SNRPN: variants seen among roughly 807,000 people sequenced by gnomAD.
SNRPN encodes the protein small nuclear ribonucleoprotein-associated protein N.
In SNRPN, 7 loss-of-function variants were observed where a neutral mutation model predicts 25.2. The ratio of observed to expected loss-of-function variants is 0.28; its 90% CI spans 0.16 to 0.52. The LOEUF is 0.52. Among genes scored for constraint, SNRPN ranks in the 20% least tolerant of loss-of-function variants. The pLI, the probability that SNRPN is intolerant of heterozygous loss-of-function variation, is 0.96. For missense variants in SNRPN, 196 were observed against 322.5 expected (o/e 0.61, Z 3.00); for synonymous variants, 124 against 110.6 (o/e 1.12, Z -0.76).
At chr15:24,945,481 T>C (rs2061823175) in intron 3 of SNRPN, among the ~76,000 whole-genome samples, 2 of 151,918 alleles carry the variant, frequency 1.3e-5, no homozygotes, top group Non-Finnish European at 2.9e-5. Context: ...CAAGGTTATA[T>C]TGTGCTATAA....
chr15:24,874,773 T>A (rs960542138), intron 1 of SNRPN, among the ~76,000 whole-genome samples: 2 of 152,196 alleles, frequency 1.3e-5, no homozygotes, highest in Non-Finnish European at 2.9e-5. Context: ...AGAAATGTGA[T>A]GTCACCAAAG....
Position 24,900,510 on chromosome 15 carries a change from G to A in SNRPN, c.-505+13921G>A, listed in dbSNP as rs147744501. Among the ~76,000 whole-genome samples, 669 of 152,132 alleles carry A rather than the reference G, an allele frequency of 4.4e-3. 6 individuals are homozygous for A. Among genetic ancestry groups the A allele is most frequent in the African/African-American group, 0.015 (639 of 41,456 alleles). The stretch of plus-strand genomic sequence containing the variant: ...AATATCTTTCCCTTGCACAAAAGCT[G>A]GGTTAGATACCATTAAAGGGGATGC... On this transcript the variant is annotated intron_variant, in intron 2 of 11. Transcript: ENST00000400097.
chr15:24,835,059 T>A (rs1416975171), intron 2 of SNRPN, among the ~76,000 whole-genome samples: 4 of 25,536 alleles, frequency 1.6e-4, no homozygotes, highest in East Asian at 3.0e-3. Context: ...TATAAAAATA[T>A]AGATATATAG....
chr15:24,970,096 A>G (rs2076210650), intron 3 of SNRPN, among the ~76,000 whole-genome samples: 1 of 152,256 alleles, frequency 6.6e-6, no homozygotes, highest in Non-Finnish European at 1.5e-5. Context: ...AATAGATTAT[A>G]GAAGTATATA....
chr15:24,835,557 T>A (rs912318082), intron 2 of SNRPN, among the ~76,000 whole-genome samples: 1 of 152,118 alleles, frequency 6.6e-6, no homozygotes, highest in African/African-American at 2.4e-5. Context: ...TTAGGAATAC[T>A]AAAATTCAGA....
intron 2 of SNRPN, among the ~76,000 whole-genome samples, chr15:24,890,758 CAT>C (rs1433322172): frequency 6.6e-6 from 1 of 152,278 alleles, no homozygotes; most frequent in Non-Finnish European, 1.5e-5. Context: ...TGAAGACTCA[CAT>C]GTCATGTAAA....
intron 1 of SNRPN, among the ~76,000 whole-genome samples, chr15:24,857,140 G>C (rs923786248): frequency 6.6e-6 from 1 of 152,164 alleles, no homozygotes; most frequent in Non-Finnish European, 1.5e-5. Context: ...TGTTTAGCTT[G>C]TTCTAATTGT....
At chr15:24,830,770 T>C (rs1448200084) in intron 2 of SNRPN, among the ~76,000 whole-genome samples, 2 of 152,134 alleles carry the variant, frequency 1.3e-5, no homozygotes, top group African/African-American at 4.8e-5. Context: ...AGCTTAATTC[T>C]GTTGTGTTTT....
chr15:24,937,626 A>C (rs2061317474), intron 3 of SNRPN, among the ~76,000 whole-genome samples: 2 of 152,346 alleles, frequency 1.3e-5, no homozygotes, highest in African/African-American at 4.8e-5. Context: ...TAAATTGTAA[A>C]AACATTACAT....
At chr15:24,894,772 C>T (rs954513879) in intron 2 of SNRPN, among the ~76,000 whole-genome samples, 3 of 152,148 alleles carry the variant, frequency 2.0e-5, no homozygotes, top group African/African-American at 7.2e-5. Context: ...AAATTCTCAC[C>T]TTGCACAGGC....
chr15:24,925,307 C>A (rs1431830335), intron 3 of SNRPN, among the ~76,000 whole-genome samples: 1 of 151,786 alleles, frequency 6.6e-6, no homozygotes. Context: ...TTTTTTAATT[C>A]TTTGATTCTC....
intron 3 of SNRPN, among the ~76,000 whole-genome samples, chr15:24,927,476 A>AT (rs71127023): frequency 4.0e-5 from 1 of 25,104 alleles, no homozygotes; most frequent in Non-Finnish European, 8.1e-5. Flanking sequence ...AAGTTTTTAA[A>AT]TTTTTTTTTT....
chr15:24,841,994 CACTT>C (rs1469134989), intron 2 of SNRPN, among the ~76,000 whole-genome samples: 1 of 152,158 alleles, frequency 6.6e-6, no homozygotes, highest in Non-Finnish European at 1.5e-5. Context: ...GCAGCCAGCT[CACTT>C]ACATCTGTGG....
At chr15:24,959,755 C>T (rs2074466422) in intron 1 of SNRPN, among the ~76,000 whole-genome samples, 1 of 152,060 alleles carries the variant, frequency 6.6e-6, no homozygotes, top group South Asian at 2.1e-4. Flanking sequence ...TTGGATATAT[C>T]ATATTTTCTT....
intron 2 of SNRPN, among the ~76,000 whole-genome samples, chr15:24,908,182 A>G (rs1040947053): frequency 1.3e-5 from 2 of 152,116 alleles, no homozygotes; most frequent in Non-Finnish European, 2.9e-5. Flanking sequence ...TGTGAGAAAC[A>G]AATTTCTGTT....
chr15:24,955,652 G>C (rs2062719507), intron 1 of SNRPN, among the ~76,000 whole-genome samples: 1 of 146,698 alleles, frequency 6.8e-6, no homozygotes, highest in Non-Finnish European at 1.5e-5. Context: ...TATGGCAGTG[G>C]ACCAGGGGGA....
At chr15:24,923,175 G>T (rs1225724227) in intron 3 of SNRPN, among the ~76,000 whole-genome samples, 2 of 152,094 alleles carry the variant, frequency 1.3e-5, no homozygotes, top group African/African-American at 4.8e-5. Flanking sequence ...CAAAGTGCTG[G>T]GATTACAGGT....
chr15:24,902,213 G>GTC (rs1595798014), intron 2 of SNRPN, among the ~76,000 whole-genome samples: 4 of 152,154 alleles, frequency 2.6e-5, no homozygotes. Flanking sequence ...TGAGGCATCT[G>GTC]TGAATTGGGA....
chr15:24,968,242 T>G, intron 3 of SNRPN, 160 bp downstream of exon 3: 2 of 552,224 alleles, frequency 3.6e-6, no homozygotes, highest in South Asian at 4.2e-5. Flanking sequence ...GACCTTAAAT[T>G]TTCTGCCCTG....
Sources: gnomAD v4.1 joint callset for allele counts (sites outside exome capture counted in the v4.1 genomes callset) on GRCh38, gnomAD v4.1.1 for gene constraint, MANE v1.5 for transcripts, NCBI Gene and HGNC (gene_info 2026-07-23, HGNC 2026-07-21) for gene names.